MCTP1: variants seen among roughly 807,000 people sequenced by gnomAD.
MCTP1 encodes multiple C2 and transmembrane domain containing 1.
A neutral mutation model predicts 120.6 loss-of-function variants in MCTP1; 69 were observed. The observed-to-expected ratio is 0.57, with a 90% CI of 0.47 to 0.70. The LOEUF (loss-of-function observed/expected upper bound fraction) is 0.70, where lower values mean the gene tolerates loss of function less well. Ranked by LOEUF, MCTP1 falls within the 30% of genes least tolerant of loss-of-function variation. The pLI is 0.00. For synonymous variants in MCTP1, 529 were observed against 493.1 expected (o/e 1.07, Z -0.96); for missense variants, 1,203 against 1,248.8 (o/e 0.96, Z 0.55).
intron 1 of MCTP1, among the ~76,000 whole-genome samples, chr5:95,100,134 GA>G (rs1459816284): frequency 4.4e-5 from 5 of 114,198 alleles, no homozygotes; most frequent in Non-Finnish European, 8.5e-5. Context: ...GGGGTGGGGG[GA>G]GGGGGGAGGG....
chr5:94,938,225 T>G (rs1816677574), intron 5 of MCTP1, among the ~76,000 whole-genome samples: 1 of 152,078 alleles, frequency 6.6e-6, no homozygotes, highest in African/African-American at 2.4e-5. Flanking sequence ...TACAGATCTT[T>G]CAATGGCTCC....
intron 19 of MCTP1, among the ~76,000 whole-genome samples, chr5:94,719,702 G>C (rs114339870): frequency 3.3e-5 from 5 of 152,282 alleles, no homozygotes; most frequent in Non-Finnish European, 7.4e-5. Flanking sequence ...GAGGGCATCA[G>C]GATAAATAGC....
chr5:94,760,903 T>C (rs1771186932), intron 19 of MCTP1, among the ~76,000 whole-genome samples: 1 of 152,108 alleles, frequency 6.6e-6, no homozygotes, highest in Non-Finnish European at 1.5e-5. Flanking sequence ...CAAGCTGGTC[T>C]CCAACTCCTG....
At chr5:95,194,980 AG>A (rs1386591518) in intron 1 of MCTP1, among the ~76,000 whole-genome samples, 1 of 152,226 alleles carries the variant, frequency 6.6e-6, no homozygotes, top group Non-Finnish European at 1.5e-5. Flanking sequence ...CTTTCAGAGA[AG>A]GTTCCAAATA....
intron 12 of MCTP1, among the ~76,000 whole-genome samples, chr5:94,883,662 T>C (rs1388979426): frequency 2.0e-5 from 3 of 152,208 alleles, no homozygotes; most frequent in Non-Finnish European, 4.4e-5. Flanking sequence ...AGAATGATGG[T>C]AATATCTAAG....
At chr5:94,763,716 T>C (rs1771883660) in intron 19 of MCTP1, among the ~76,000 whole-genome samples, 1 of 152,192 alleles carries the variant, frequency 6.6e-6, no homozygotes, top group Non-Finnish European at 1.5e-5. Flanking sequence ...AACAAAAGCA[T>C]CATTTTTCAA....
chr5:94,915,366 A>G (rs916418156), intron 8 of MCTP1, among the ~76,000 whole-genome samples: 2 of 152,218 alleles, frequency 1.3e-5, no homozygotes, highest in Non-Finnish European at 2.9e-5. Flanking sequence ...GGTAAGTATG[A>G]TTGAAACAAA....
chr5:94,893,705 CTT>C (rs1397428657), intron 11 of MCTP1, among the ~76,000 whole-genome samples: 3 of 152,058 alleles, frequency 2.0e-5, no homozygotes, highest in Admixed American at 6.5e-5. Context: ...TAAGGTACAT[CTT>C]TATTAAATTC....
chr5:94,729,793 C>T (rs1762802177), intron 19 of MCTP1, among the ~76,000 whole-genome samples: 1 of 152,234 alleles, frequency 6.6e-6, no homozygotes, highest in Admixed American at 6.5e-5. Flanking sequence ...AATAGTGCCA[C>T]AGAGGGAGGC....
chr5:94,900,917 T>C (rs1331874683), intron 10 of MCTP1, among the ~76,000 whole-genome samples: 1 of 152,246 alleles, frequency 6.6e-6, no homozygotes, highest in African/African-American at 2.4e-5. Flanking sequence ...GAAAGTGCTA[T>C]GTAAATGTAT....
At chr5:94,942,501 T>C (rs1817963277) in intron 3 of MCTP1, 74 bp from the exon 4 acceptor site, 3 of 1,086,706 alleles carry the variant, frequency 2.8e-6, no homozygotes, top group South Asian at 2.8e-5. Context: ...GTCTTGGTCA[T>C]AAAATGTTGG....
intron 19 of MCTP1, among the ~76,000 whole-genome samples, chr5:94,767,819 A>C (rs901717333): frequency 1.3e-5 from 2 of 152,190 alleles, no homozygotes; most frequent in Non-Finnish European, 2.9e-5. Context: ...TGTTAAAATG[A>C]CTATACTACA....
chr5:95,177,010 G>A (rs140586812), intron 1 of MCTP1, among the ~76,000 whole-genome samples: 2,502 of 151,456 alleles, frequency 0.017, 64 homozygotes, highest in African/African-American at 0.056. Flanking sequence ...GACTACAGGC[G>A]CCCGCCACCA....
At chr5:95,064,271 G>C (rs1470636409) in intron 1 of MCTP1, among the ~76,000 whole-genome samples, 1 of 152,134 alleles carries the variant, frequency 6.6e-6, no homozygotes, top group Non-Finnish European at 1.5e-5. Flanking sequence ...AATTAAAATG[G>C]ACACTAATGA....
chr5:95,095,205 A>G (rs1756156083), intron 1 of MCTP1, among the ~76,000 whole-genome samples: 2 of 150,654 alleles, frequency 1.3e-5, no homozygotes, highest in African/African-American at 2.4e-5. Flanking sequence ...TTGTATTTTT[A>G]GTAGAGACGG....
intron 1 of MCTP1, among the ~76,000 whole-genome samples, chr5:95,048,083 C>T (rs566187295): frequency 1.3e-5 from 2 of 152,224 alleles, no homozygotes; most frequent in Admixed American, 6.5e-5. Context: ...AACTGACTAA[C>T]GTAACTGCTG....
chr5:94,946,712 T>C (rs138312181), intron 3 of MCTP1, among the ~76,000 whole-genome samples: 27 of 152,260 alleles, frequency 1.8e-4, no homozygotes, highest in African/African-American at 6.5e-4. Flanking sequence ...AGCATCAAGT[T>C]ACCCTTGCCA....
intron 1 of MCTP1, among the ~76,000 whole-genome samples, chr5:95,153,319 C>A (rs1265186854): frequency 1.3e-5 from 2 of 152,182 alleles, no homozygotes; most frequent in African/African-American, 4.8e-5. Context: ...GAGGCCTCCC[C>A]AGCTATGTGG....
intron 5 of MCTP1, among the ~76,000 whole-genome samples, chr5:94,934,988 C>T (rs1815820235): frequency 1.3e-5 from 2 of 151,924 alleles, no homozygotes; most frequent in Non-Finnish European, 2.9e-5. Context: ...ATAGGACACA[C>T]ATATATGCAC....
Sources: gnomAD v4.1 joint callset for allele counts (sites outside exome capture counted in the v4.1 genomes callset) on GRCh38, gnomAD v4.1.1 for gene constraint, MANE v1.5 for transcripts, NCBI Gene and HGNC (gene_info 2026-07-23, HGNC 2026-07-21) for gene names.